The following SIL1 variants were observed in gnomAD, a reference collection of about 807,000 sequenced individuals.
SIL1 encodes SIL1 nucleotide exchange factor, also known as nucleotide exchange factor SIL1.
A neutral mutation model predicts 49.1 loss-of-function variants in SIL1; 40 were observed. That is an observed-to-expected ratio of 0.81 (90% CI 0.63 to 1.06). The LOEUF is 1.06. Among genes scored for constraint, SIL1 ranks in the 50% least tolerant of loss-of-function variants. SIL1 has a pLI of 0.00. For missense variants in SIL1, 500 were observed against 572.6 expected, an observed-to-expected ratio of 0.87 and a Z score of 1.29; for synonymous variants, 253 against 250.8, an observed-to-expected ratio of 1.01 and a Z score of -0.08.
At chr5:139,180,661 C>A (rs894934874) in intron 1 of SIL1, among the ~76,000 whole-genome samples, 2 of 152,122 alleles carry the variant, frequency 1.3e-5, no homozygotes, top group Admixed American at 6.5e-5. Context: ...TTGTAGGGAG[C>A]AAAATTCATC....
chr5:139,190,353 A>G (rs997320385), intron 1 of SIL1, among the ~76,000 whole-genome samples: 1 of 152,228 alleles, frequency 6.6e-6, no homozygotes, highest in Middle Eastern at 3.2e-3. Context: ...TAAGAGCAAG[A>G]GAAACACATT....
At chr5:139,003,730 G>T (rs1454246387) in intron 7 of SIL1, among the ~76,000 whole-genome samples, 2 of 152,200 alleles carry the variant, frequency 1.3e-5, no homozygotes, top group African/African-American at 2.4e-5. Context: ...GCTGGTAGGA[G>T]GTAAGAAAGT....
chr5:139,181,223 A>G (rs1342693860), intron 1 of SIL1, among the ~76,000 whole-genome samples: 1 of 152,176 alleles, frequency 6.6e-6, no homozygotes, highest in Non-Finnish European at 1.5e-5. Context: ...TCCAACTGCA[A>G]TAAATGCCCA....
At chr5:139,145,817 G>A (rs537906952) in intron 1 of SIL1, among the ~76,000 whole-genome samples, 1 of 152,140 alleles carries the variant, frequency 6.6e-6, no homozygotes, top group East Asian at 1.9e-4. Flanking sequence ...TGGGTGTGGT[G>A]GCCCACTAAA....
rs576433255 is a variant in SIL1, at chr5:139,081,607, G to A, written c.245-30561C>T. 8.5e-5 allele frequency among the ~76,000 whole-genome samples: 13 copies of A among 152,264 alleles called. No individual in the cohort carries two copies. In the East Asian group the frequency reaches 1.5e-3, roughly 18 times the overall value. ...ACAAGAACCACAGAAGACCAGGCAC[G>A]GTGGCTCACACCTGTAATCCCAGCA... On this transcript the variant is annotated intron_variant, in intron 3 of 9. Coordinates refer to ENST00000394817, the MANE Select transcript of SIL1 (RefSeq NM_022464.5).
In SIL1 at chr5:139,035,382, A is replaced by G. The variant is rs1331758247; in HGVS notation, c.453+7238T>C. 3 of 538,274 alleles carry G rather than the reference A, an allele frequency of 5.6e-6. No individual in the cohort carries two copies. The Admixed American group carries it at 5.8e-5, about 10-fold the overall frequency. 33.3% of individuals were successfully genotyped at this position (538,274 alleles called of 1,614,324 possible). ...TTTCCATTTCTTTCTGTCCCTTGGC[A>G]GTTCCTTGAGGGCTTTGACGATCAG... On this transcript the variant is annotated intron_variant, in intron 5 of 9. Coordinates refer to ENST00000394817, the MANE Select transcript of SIL1 (RefSeq NM_022464.5).
intron 3 of SIL1, among the ~76,000 whole-genome samples, chr5:139,052,698 A>G (rs1309449424): frequency 6.6e-6 from 1 of 152,148 alleles, no homozygotes; most frequent in Non-Finnish European, 1.5e-5. Flanking sequence ...AAAAAAGTTC[A>G]GAGCGCAGTG....
chr5:139,144,163 CAGG>C (rs1363114193), intron 1 of SIL1, among the ~76,000 whole-genome samples: 2 of 152,124 alleles, frequency 1.3e-5, no homozygotes, highest in South Asian at 2.1e-4. Flanking sequence ...AATCTTGAAG[CAGG>C]AGAACAAAAC....
At chr5:139,139,859 T>G (rs1404302847) in intron 1 of SIL1, among the ~76,000 whole-genome samples, 1 of 152,042 alleles carries the variant, frequency 6.6e-6, no homozygotes, top group Non-Finnish European at 1.5e-5. Context: ...CCGGGCATGG[T>G]GGCTTACACC....
intron 3 of SIL1, among the ~76,000 whole-genome samples, chr5:139,099,306 G>C (rs1389849953): frequency 1.3e-5 from 2 of 152,106 alleles, no homozygotes; most frequent in African/African-American, 2.4e-5. Flanking sequence ...GTGGAAAAAA[G>C]GGAACCCTCA....
chr5:138,959,972 G>A (rs945755081), intron 7 of SIL1, among the ~76,000 whole-genome samples: 21 of 152,136 alleles, frequency 1.4e-4, no homozygotes, highest in Non-Finnish European at 5.9e-5. Context: ...ACAGGGCTTC[G>A]ATTTTATTCT....
At chr5:139,103,210 G>A (rs1770630802) in intron 3 of SIL1, among the ~76,000 whole-genome samples, 1 of 152,156 alleles carries the variant, frequency 6.6e-6, no homozygotes, top group African/African-American at 2.4e-5. Flanking sequence ...CCTATTCTAG[G>A]TCTGATCCCT....
At chr5:138,955,362 T>G (rs1580980019) in intron 7 of SIL1, among the ~76,000 whole-genome samples, 1 of 152,312 alleles carries the variant, frequency 6.6e-6, no homozygotes, top group East Asian at 1.9e-4. Flanking sequence ...GTCAGCTGTC[T>G]GTGTGCAGAG....
At chr5:139,029,542 C>T (rs748693677) in intron 5 of SIL1, among the ~76,000 whole-genome samples, 29 of 152,086 alleles carry the variant, frequency 1.9e-4, no homozygotes, top group South Asian at 2.1e-4. Flanking sequence ...CGCTCTATTG[C>T]TCACGTTGAA....
chr5:139,154,490 A>C (rs1022841235), intron 1 of SIL1, among the ~76,000 whole-genome samples: 3 of 152,240 alleles, frequency 2.0e-5, no homozygotes, highest in Non-Finnish European at 4.4e-5. Context: ...CACCCCTGTG[A>C]GCCAAGAGCC....
rs1751480233 is a variant in SIL1, at chr5:139,160,098, A to G, written c.-10-32245T>C. On this transcript the variant is annotated intron_variant, in intron 1 of 9. Coordinates refer to ENST00000394817, the MANE Select transcript of SIL1 (RefSeq NM_022464.5). ...CAAATGACAGTCACAGTGGGGTGGG[A>G]GAGCCTAACTGTGCATTTTACCCAT... Among the ~76,000 whole-genome samples, 5 of 151,482 alleles carry G rather than the reference A, an allele frequency of 3.3e-5. No homozygotes were observed. In the Admixed American group the frequency reaches 3.3e-4, roughly 10 times the overall value.
intron 6 of SIL1, among the ~76,000 whole-genome samples, chr5:139,023,534 G>A (rs547932842): frequency 3.9e-5 from 6 of 152,198 alleles, no homozygotes; most frequent in Non-Finnish European, 7.3e-5. Context: ...GACGGAGGCC[G>A]CTCCTCATAA....
chr5:139,120,902 C>G, intron 3 of SIL1, 133 bp downstream of exon 3: 1 of 1,133,848 alleles, frequency 8.8e-7, no homozygotes, highest in Non-Finnish European at 1.3e-6. Flanking sequence ...GCAGCTACCA[C>G]TCTGACGGAC....
intron 3 of SIL1, among the ~76,000 whole-genome samples, chr5:139,109,078 A>G (rs1032183504): frequency 6.6e-6 from 1 of 152,162 alleles, no homozygotes; most frequent in African/African-American, 2.4e-5. Context: ...CTTCAAAACT[A>G]AGATGGACTC....
Sources: gnomAD v4.1 joint callset for allele counts (sites outside exome capture counted in the v4.1 genomes callset) on GRCh38, gnomAD v4.1.1 for gene constraint, MANE v1.5 for transcripts, NCBI Gene and HGNC (gene_info 2026-07-23, HGNC 2026-07-21) for gene names.